Variants in CNKSR2 observed in about 807,000 individuals in gnomAD.
CNKSR2 encodes CNK homolog protein 2.
CNKSR2 carries 14 observed loss-of-function variants against 84.4 expected under a neutral mutation model. The ratio of observed to expected loss-of-function variants is 0.17; its 90% CI spans 0.11 to 0.26. The LOEUF is 0.26. CNKSR2 is among the 10% of genes least tolerant of loss of function. The probability of loss-of-function intolerance (pLI) is 1.00; values close to 1 mark genes in which losing one functional copy is unlikely to be tolerated. For synonymous variants in CNKSR2, 275 were observed against 277.9 expected (o/e 0.99, Z 0.10); for missense variants, 485 against 771.2 (o/e 0.63, Z 4.40).
chrX:21,445,144 T>G (rs1318204265), intron 4 of CNKSR2, among the ~76,000 whole-genome samples: 3 of 111,500 alleles, frequency 2.7e-5, no homozygotes, highest in Non-Finnish European at 1.9e-5. Flanking sequence ...GAATCAGACA[T>G]TCTGGGTGAC....
chrX:21,507,723 T>G (rs1331089189), intron 8 of CNKSR2, among the ~76,000 whole-genome samples: 2 of 111,632 alleles, frequency 1.8e-5, no homozygotes, highest in Non-Finnish European at 3.8e-5. Context: ...ACATATTACT[T>G]TTTGAATACT....
chrX:21,399,960 A>C (rs764578622), intron 1 of CNKSR2, among the ~76,000 whole-genome samples: 17 of 111,244 alleles, frequency 1.5e-4, no homozygotes, highest in Non-Finnish European at 5.7e-5. Flanking sequence ...GACGTAGTCT[A>C]TGTAAAAGAT....
At chrX:21,397,168 A>G (rs965418429) in intron 1 of CNKSR2, among the ~76,000 whole-genome samples, 3 of 111,575 alleles carry the variant, frequency 2.7e-5, no homozygotes, top group African/African-American at 6.5e-5. Flanking sequence ...AAAGCTTTGC[A>G]GATTGTTAAC....
intron 9 of CNKSR2, among the ~76,000 whole-genome samples, 189 bp downstream of exon 9, chrX:21,516,820 A>G (rs1479988605): frequency 9.0e-6 from 1 of 111,562 alleles, no homozygotes; most frequent in Non-Finnish European, 1.9e-5. Context: ...TTGAGTATCT[A>G]AAACCCAAAT....
intron 11 of CNKSR2, among the ~76,000 whole-genome samples, chrX:21,535,831 C>T (rs1378666877): frequency 9.0e-6 from 1 of 111,297 alleles, no homozygotes; most frequent in Non-Finnish European, 1.9e-5. Context: ...ATTTGACTTT[C>T]TCTTTTCCAA....
chrX:21,531,796 C>T, intron 10 of CNKSR2, 60 bp from the exon 11 acceptor site: 3 of 768,519 alleles, frequency 3.9e-6, no homozygotes, highest in Non-Finnish European at 5.9e-6. Context: ...TTTAGACCCT[C>T]GGCCATTTAC....
At chrX:21,562,055 CCTGTT>C (rs1438274709) in intron 12 of CNKSR2, among the ~76,000 whole-genome samples, 1 of 107,492 alleles carries the variant, frequency 9.3e-6, no homozygotes, top group Non-Finnish European at 1.9e-5. Context: ...GCTTTTTTTT[CCTGTT>C]CTGTTTGCTG....
chrX:21,573,961 C>T (rs2092302081), intron 13 of CNKSR2, among the ~76,000 whole-genome samples: 1 of 111,554 alleles, frequency 9.0e-6, no homozygotes, highest in South Asian at 3.8e-4. Context: ...TGGTCTGCTT[C>T]CTCTTGAACA....
chrX:21,416,422 GTT>G (rs1018883421), intron 1 of CNKSR2, among the ~76,000 whole-genome samples: 6 of 111,095 alleles, frequency 5.4e-5, no homozygotes, highest in African/African-American at 1.6e-4. Context: ...TGTGTCTTTG[GTT>G]TTGGTATCAG....
At position 21,490,530 on chromosome X, in the gene CNKSR2, T is replaced by C; in HGVS notation, c.633T>C (p.Ala211=). 1 of 1,209,789 alleles carries C rather than the reference T, an allele frequency of 8.3e-7. No homozygotes were observed. The highest frequency in any genetic ancestry group is 1.1e-6 in the Non-Finnish European group (1 of 894,026). The part of the protein sequence containing the change: ...LSSDPLVSQS[A]HLEVIQLANI... ...CAGATCCTCTGGTTTCACAGTCTGC[T>C]CACCTGGAAGTGATTCAACTGGCAA... The change falls in exon 6 of 22, where the codon GCT becomes GCC. Residue 211 remains alanine (A), a synonymous_variant. Transcript: ENST00000379510.
Position 21,396,577 on chromosome X carries a change from C to T in CNKSR2, c.64+21616C>T, listed in dbSNP as rs369487896. Among the ~76,000 whole-genome samples, 105 of 110,389 alleles carry T rather than the reference C, an allele frequency of 9.5e-4. 1 individual carries two copies. The South Asian group carries it at 0.038, about 40-fold the overall frequency. Reference sequence around the variant, plus strand: ...CAAACTCAAATACAGTTCTTGTGTCCGTTATTGAAACACATCATCATTTAA... The same window carrying T: ...CAAACTCAAATACAGTTCTTGTGTCTGTTATTGAAACACATCATCATTTAA... On this transcript the variant is annotated intron_variant, in intron 1 of 21. Transcript: ENST00000379510.
intron 12 of CNKSR2, among the ~76,000 whole-genome samples, 156 bp from the exon 13 acceptor site, chrX:21,563,077 ATATAT>A (rs778491528): frequency 7.2e-5 from 8 of 111,852 alleles, no homozygotes; most frequent in South Asian, 3.7e-4. Context: ...CTGAAATGAA[ATATAT>A]TAGATTGGGG....
chrX:21,452,137 C>G (rs780118910), intron 4 of CNKSR2, among the ~76,000 whole-genome samples: 4 of 111,973 alleles, frequency 3.6e-5, no homozygotes, highest in African/African-American at 1.3e-4. Context: ...GTCACCCAGG[C>G]TGGAGTGCAG....
chrX:21,470,524 T>C (rs1043061332), intron 4 of CNKSR2, among the ~76,000 whole-genome samples: 2 of 110,864 alleles, frequency 1.8e-5, no homozygotes, highest in Non-Finnish European at 3.8e-5. Context: ...TCCTTTAGTA[T>C]GTGTTTAAAA....
At chrX:21,529,679 A>AAC (rs773488531) in intron 10 of CNKSR2, among the ~76,000 whole-genome samples, 37 of 109,809 alleles carry the variant, frequency 3.4e-4, no homozygotes, top group Admixed American at 5.8e-4. Flanking sequence ...TATATACATT[A>AAC]ACACACACAC....
intron 11 of CNKSR2, among the ~76,000 whole-genome samples, chrX:21,543,671 A>G (rs762821687): frequency 8.9e-5 from 10 of 112,142 alleles, no homozygotes; most frequent in Non-Finnish European, 1.3e-4. Flanking sequence ...TTAATAGCTA[A>G]TTGACCTTGA....
intron 5 of CNKSR2, among the ~76,000 whole-genome samples, chrX:21,472,099 G>A (rs773914766): frequency 6.3e-5 from 7 of 111,546 alleles, no homozygotes; most frequent in African/African-American, 2.3e-4. Context: ...AGCTCCCTGA[G>A]GCTTTACAAA....
chrX:21,514,025 C>G (rs576504837), intron 8 of CNKSR2, among the ~76,000 whole-genome samples: 1 of 111,830 alleles, frequency 8.9e-6, no homozygotes, highest in East Asian at 2.8e-4. Flanking sequence ...TCCTTACTCC[C>G]TTTAATCTAA....
chrX:21,488,989 T>C (rs1360373323), intron 5 of CNKSR2, among the ~76,000 whole-genome samples: 1 of 111,421 alleles, frequency 9.0e-6, no homozygotes, highest in Non-Finnish European at 1.9e-5. Flanking sequence ...TCTGCCCTCT[T>C]TGTTTATATA....
Sources: allele counts gnomAD v4.1 joint callset (sites outside exome capture counted in the v4.1 genomes callset), GRCh38; gene constraint gnomAD v4.1.1; transcripts MANE v1.5; gene names NCBI Gene and HGNC (gene_info 2026-07-23, HGNC 2026-07-21).